The following UBR1 variants were observed in gnomAD, a reference collection of about 807,000 sequenced individuals.
UBR1 encodes the protein ubiquitin protein ligase E3 component n-recognin 1.
Under a neutral mutation model 242.1 loss-of-function variants are expected in UBR1, and 102 were observed. The observed-to-expected ratio is 0.42, with a 90% confidence interval of 0.36 to 0.50. The LOEUF (loss-of-function observed/expected upper bound fraction) is 0.50, where lower values mean the gene tolerates loss of function less well. Ranked by LOEUF, UBR1 falls within the 20% of genes least tolerant of loss-of-function variation. The pLI is 0.01. For missense variants in UBR1, 1,772 were observed against 2,101.8 expected (o/e 0.84, Z 3.07); for synonymous variants, 675 against 684.8 (o/e 0.99, Z 0.22).
chr15:43,082,821 C>T (rs761972162), intron 2 of UBR1, 105 bp from the exon 3 acceptor site: 42 of 819,536 alleles, frequency 5.1e-5, no homozygotes, highest in Non-Finnish European at 7.7e-5. Context: ...GGTACACAAA[C>T]TGAATATGAA....
At chr15:43,102,452 T>C (rs934397148) in intron 1 of UBR1, among the ~76,000 whole-genome samples, 3 of 152,148 alleles carry the variant, frequency 2.0e-5, no homozygotes, top group Non-Finnish European at 4.4e-5. Flanking sequence ...ACTGAATACA[T>C]ACAAATGGTA....
chr15:43,103,576 TG>T (rs1178181310), intron 1 of UBR1, among the ~76,000 whole-genome samples: 2 of 152,216 alleles, frequency 1.3e-5, no homozygotes, highest in Non-Finnish European at 2.9e-5. Flanking sequence ...CTTTTATCAA[TG>T]TCCACTAATT....
At chr15:43,013,622 T>C (rs1050453544) in intron 29 of UBR1, among the ~76,000 whole-genome samples, 6 of 152,226 alleles carry the variant, frequency 3.9e-5, no homozygotes, top group African/African-American at 1.4e-4. Context: ...AAAGTGCTAA[T>C]GCACACAAAA....
At chr15:43,061,540 C>T (rs546840665) in intron 6 of UBR1, among the ~76,000 whole-genome samples, 2 of 150,398 alleles carry the variant, frequency 1.3e-5, no homozygotes, top group South Asian at 4.1e-4. Context: ...CACATATACA[C>T]ATACACATAC....
intron 1 of UBR1, among the ~76,000 whole-genome samples, chr15:43,101,987 A>C (rs1057440940): frequency 4.7e-5 from 7 of 149,212 alleles, no homozygotes; most frequent in African/African-American, 1.7e-4. Flanking sequence ...AAAAAAAAAA[A>C]AAAAAAGCCA....
intron 1 of UBR1, among the ~76,000 whole-genome samples, chr15:43,101,988 A>C (rs1035085141): frequency 6.7e-6 from 1 of 150,264 alleles, no homozygotes; most frequent in African/African-American, 2.4e-5. Context: ...AAAAAAAAAA[A>C]AAAAAGCCAG....
In UBR1 at chr15:43,060,033, C is replaced by T. The variant is rs756900873; in HGVS notation, c.861+19G>A. 19 of 1,613,018 alleles carry T rather than the reference C, an allele frequency of 1.2e-5. No individual in the cohort carries two copies. The Admixed American group carries it at 2.5e-4, about 21-fold the overall frequency. On this transcript the variant is annotated intron_variant, in intron 7 of 46. Coordinates refer to ENST00000290650, the MANE Select transcript of UBR1 (RefSeq NM_174916.3). ...ATTCATCTTTAACTTCTCTTTTTCC[C>T]CCTAATTCAGAAAGTTACCTTTATA...
intron 15 of UBR1, among the ~76,000 whole-genome samples, chr15:43,041,514 C>A (rs937969370): frequency 6.6e-5 from 10 of 152,024 alleles, no homozygotes; most frequent in African/African-American, 2.2e-4. Flanking sequence ...ATGGGTGCAG[C>A]ATACCAACAT....
chr15:43,014,819 C>A (rs1169083044), intron 29 of UBR1, among the ~76,000 whole-genome samples: 78 of 149,750 alleles, frequency 5.2e-4, no homozygotes, highest in African/African-American at 1.9e-3. Context: ...CCAGCCGCCC[C>A]GTCCGGGAGG....
intron 39 of UBR1, among the ~76,000 whole-genome samples, 167 bp downstream of exon 39, chr15:42,976,550 T>C (rs79991745): frequency 2.1e-4 from 31 of 150,804 alleles, no homozygotes; most frequent in African/African-American, 7.6e-4. Context: ...CACAGCTTAT[T>C]CTACCTTTCC....
intron 43 of UBR1, 149 bp downstream of exon 43, chr15:42,960,496 C>G: frequency 1.2e-6 from 1 of 802,944 alleles, no homozygotes; most frequent in East Asian, 2.8e-5. Context: ...TAGGAAGAAT[C>G]TGATTTCTGG....
Position 42,966,293 on chromosome 15 carries a change from G to A in UBR1, c.4458-7C>T. 6.2e-7 allele frequency: 1 copy of A among 1,614,084 alleles called. No homozygotes were observed. Among genetic ancestry groups the A allele is most frequent in the East Asian group, 2.2e-5 (1 of 44,880 alleles). ...AATATCACACCCAATGGAGCTAGGA[G>A]ACAATAATTCCAGAAGAGAACAGAA... On this transcript the variant is annotated splice_polypyrimidine_tract_variant and splice_region_variant and intron_variant, in intron 40 of 46. Transcript: ENST00000290650.
At chr15:43,016,529 T>C (rs1463948120) in intron 28 of UBR1, among the ~76,000 whole-genome samples, 1 of 152,178 alleles carries the variant, frequency 6.6e-6, no homozygotes, top group Non-Finnish European at 1.5e-5. Context: ...GTGAGACATA[T>C]CCCAATTTAA....
At chr15:43,074,186 C>T (rs951163282) in intron 4 of UBR1, among the ~76,000 whole-genome samples, 2 of 152,088 alleles carry the variant, frequency 1.3e-5, no homozygotes, top group African/African-American at 4.8e-5. Flanking sequence ...TTATAATCCT[C>T]GTGATTCCTT....
In UBR1 at chr15:42,967,230, T is replaced by TTG. The variant is rs1282496837; in HGVS notation, c.4458-945_4458-944insCA. 6.6e-4 allele frequency among the ~76,000 whole-genome samples: 99 copies of TTG among 149,324 alleles called. 2 individuals are homozygous for TTG. The highest frequency in any genetic ancestry group is 6.8e-3 in the Middle Eastern group (2 of 294). On this transcript the variant is annotated intron_variant, in intron 40 of 46. Transcript: ENST00000290650. ...ACCATGCTCAACTAGTTTTTTTTTT[T>TTG]TTTTTTTTTTTAAATAGAGACAAGG... is the stretch of plus-strand genomic sequence containing the variant.
In UBR1 at chr15:43,014,612, C is replaced by T. The variant is rs1050612164; in HGVS notation, c.3209+1076G>A. Among the ~76,000 whole-genome samples the T allele has an allele frequency of 2.0e-4, 30 of 151,852 alleles. 1 individual carries two copies. The South Asian group carries it at 3.1e-3, about 16-fold the overall frequency. On this transcript the variant is annotated intron_variant, in intron 29 of 46. Coordinates refer to ENST00000290650, the MANE Select transcript of UBR1 (RefSeq NM_174916.3). ...GAGGAGCGTCTCTGCCCAGCCGCCC[C>T]GTCTGAGAAGTGAGGAGACCCTCCG...
At chr15:42,981,698 G>C (rs2032381410) in intron 37 of UBR1, among the ~76,000 whole-genome samples, 1 of 152,062 alleles carries the variant, frequency 6.6e-6, no homozygotes, top group African/African-American at 2.4e-5. Flanking sequence ...TACCATGTTA[G>C]CCAGGATGGT....
rs551017949 is a variant in UBR1 at position 43,062,231 on chromosome 15, G to T, written c.799-2117C>A. Among the ~76,000 whole-genome samples, 5 of 152,296 alleles carry T rather than the reference G, an allele frequency of 3.3e-5. No individual in the cohort carries two copies. In the South Asian group the frequency reaches 1.0e-3, roughly 32 times the overall value. On this transcript the variant is annotated intron_variant, in intron 6 of 46. Coordinates refer to ENST00000290650, the MANE Select transcript of UBR1 (RefSeq NM_174916.3). The stretch of plus-strand genomic sequence containing the variant: ...TTATCCACAATAGCAGAAGGTGGAA[G>T]CAACCCAAGCGTCCACTGACAAGAT...
At chr15:43,100,150 C>T (rs1314481579) in intron 1 of UBR1, among the ~76,000 whole-genome samples, 1 of 152,136 alleles carries the variant, frequency 6.6e-6, no homozygotes, top group Non-Finnish European at 1.5e-5. Flanking sequence ...GCTGGGATTA[C>T]AGGCATGAGC....
Sources: gnomAD v4.1 joint callset for allele counts (sites outside exome capture counted in the v4.1 genomes callset) on GRCh38, gnomAD v4.1.1 for gene constraint, MANE v1.5 for transcripts, NCBI Gene and HGNC (gene_info 2026-07-23, HGNC 2026-07-21) for gene names.